CWC27: variants seen among roughly 807,000 people sequenced by gnomAD.
The protein encoded by CWC27 is spliceosome-associated protein CWC27 homolog.
Under a neutral mutation model 63.6 loss-of-function variants are expected in CWC27, and 47 were observed. The ratio of observed to expected loss-of-function variants is 0.74; its 90% CI spans 0.58 to 0.94. The LOEUF (loss-of-function observed/expected upper bound fraction) is 0.94, where lower values mean the gene tolerates loss of function less well. Ranked by LOEUF, CWC27 falls within the 40% of genes least tolerant of loss-of-function variation. The pLI, the probability that CWC27 is intolerant of heterozygous loss-of-function variation, is 0.00. For missense variants in CWC27, 495 were observed against 554.3 expected, an observed-to-expected ratio of 0.89 and a Z score of 1.07; for synonymous variants, 175 against 179.8, an observed-to-expected ratio of 0.97 and a Z score of 0.22.
chr5:65,008,996 T>C (rs531398312), intron 13 of CWC27, among the ~76,000 whole-genome samples: 1 of 136,462 alleles, frequency 7.3e-6, no homozygotes, highest in East Asian at 2.4e-4. Flanking sequence ...TGCTGGGTAA[T>C]TTATTTAAAA....
intron 11 of CWC27, among the ~76,000 whole-genome samples, chr5:64,933,797 A>G (rs1217966016): frequency 6.6e-6 from 1 of 152,132 alleles, no homozygotes; most frequent in East Asian, 1.9e-4. Context: ...AGCCACATGC[A>G]TACATTTTTC....
chr5:64,831,413 G>C, intron 10 of CWC27, among the ~76,000 whole-genome samples: 1 of 148,644 alleles, frequency 6.7e-6, no homozygotes, highest in East Asian at 2.0e-4. Flanking sequence ...TAAAGTTTTT[G>C]GCCTCAGGAC....
At chr5:64,769,288 G>T in intron 1 of CWC27, 100 bp downstream of exon 1, 10 of 991,570 alleles carry the variant, frequency 1.0e-5, no homozygotes, top group Non-Finnish European at 1.6e-5. Flanking sequence ...GTGGTAGGAA[G>T]AGACCACGAG....
Position 64,888,702 on chromosome 5 carries a change from AC to A in CWC27, c.1042+3157del, listed in dbSNP as rs760833115. Reference sequence around the variant, plus strand: ...AAGTAATTAAAATAGAAATCAGAGAACTAGAAAGGCACTATTAGAACACCAC... The same window carrying A: ...AAGTAATTAAAATAGAAATCAGAGAATAGAAAGGCACTATTAGAACACCAC... On this transcript the variant is annotated intron_variant, in intron 11 of 13. Transcript: ENST00000381070. 4.1e-4 allele frequency among the ~76,000 whole-genome samples: 62 copies of A among 152,012 alleles called. No individual in the cohort carries two copies. In the Middle Eastern group the frequency reaches 0.014, roughly 34 times the overall value.
Position 64,803,632 on chromosome 5 carries a change from T to G in CWC27, c.781-597T>G, listed in dbSNP as rs542457682. Among the ~76,000 whole-genome samples the G allele has an allele frequency of 2.3e-4, 35 of 152,272 alleles. 1 individual carries two copies. The Middle Eastern group carries it at 0.027, about 118-fold the overall frequency. ...AAAGAGCAAGCAATGAAGAGATATC[T>G]GGAATAGAGTATTTGTTTCAGGCTG... On this transcript the variant is annotated intron_variant, in intron 9 of 13. Transcript: ENST00000381070.
At chr5:64,975,833 G>A (rs1405127714) in intron 12 of CWC27, among the ~76,000 whole-genome samples, 2 of 152,204 alleles carry the variant, frequency 1.3e-5, no homozygotes, top group African/African-American at 4.8e-5. Context: ...GGGAGGCCAA[G>A]GCGTGTGGAA....
chr5:64,914,620 G>A (rs1580723780), intron 11 of CWC27, among the ~76,000 whole-genome samples: 1 of 151,778 alleles, frequency 6.6e-6, no homozygotes, highest in African/African-American at 2.4e-5. Flanking sequence ...AGTAGCAATT[G>A]TTACTGAGAA....
chr5:64,793,599 A>G (rs776742510), intron 7 of CWC27, among the ~76,000 whole-genome samples: 1 of 152,198 alleles, frequency 6.6e-6, no homozygotes, highest in Non-Finnish European at 1.5e-5. Context: ...ATATTTCTTC[A>G]AAATTTAGCT....
intron 2 of CWC27, among the ~76,000 whole-genome samples, chr5:64,779,376 T>C (rs1276256431): frequency 6.6e-6 from 1 of 152,240 alleles, no homozygotes; most frequent in Non-Finnish European, 1.5e-5. Flanking sequence ...TGTTTGTTTT[T>C]ACAACAACAA....
chr5:64,778,369 C>T (rs1311104610), intron 2 of CWC27, among the ~76,000 whole-genome samples: 1 of 152,122 alleles, frequency 6.6e-6, no homozygotes, highest in Non-Finnish European at 1.5e-5. Context: ...AATATATTCA[C>T]ACTGGGTAAG....
rs760098385 is a variant in CWC27 at position 64,804,375 on chromosome 5, A to G, written c.927A>G (p.Ser309=). 1.1e-5 allele frequency: 17 copies of G among 1,611,028 alleles called. No individual in the cohort carries two copies. In the East Asian group the frequency reaches 3.4e-4, roughly 32 times the overall value. ...GAGAAGGAGAAGTGGAGAAGAAATC[A>G]GTCAGCCGCAGGTGAGTCAGTTACT... ...SAGEGEVEKK[S]VSRSEELRKE... is the part of the protein sequence containing the mutation. The change falls in exon 10 of 14, where the codon TCA becomes TCG. Residue 309 remains serine (S), a synonymous_variant. Coordinates refer to ENST00000381070, the MANE Select transcript of CWC27 (RefSeq NM_005869.4).
At chr5:64,899,096 T>G (rs1387353367) in intron 11 of CWC27, among the ~76,000 whole-genome samples, 1 of 152,188 alleles carries the variant, frequency 6.6e-6, no homozygotes, top group Non-Finnish European at 1.5e-5. Flanking sequence ...TATATGGGGT[T>G]GATTCCTTTA....
chr5:64,771,062 A>T (rs1743237296), intron 1 of CWC27, among the ~76,000 whole-genome samples: 1 of 152,228 alleles, frequency 6.6e-6, no homozygotes, highest in South Asian at 2.1e-4. Flanking sequence ...TAAATGTTTA[A>T]TTACAAAATG....
chr5:64,992,139 C>T (rs1580769166), intron 13 of CWC27, among the ~76,000 whole-genome samples: 1 of 152,146 alleles, frequency 6.6e-6, no homozygotes, highest in African/African-American at 2.4e-5. Flanking sequence ...GACCTTTATC[C>T]TACCTCATCT....
intron 9 of CWC27, among the ~76,000 whole-genome samples, chr5:64,803,384 G>T (rs778534913): frequency 3.9e-5 from 6 of 152,152 alleles, no homozygotes; most frequent in Non-Finnish European, 7.3e-5. Flanking sequence ...AAGCAAAACA[G>T]GCCAGAATTT....
chr5:64,851,541 A>G (rs2112297512), intron 10 of CWC27, among the ~76,000 whole-genome samples: 1 of 152,312 alleles, frequency 6.6e-6, no homozygotes, highest in Admixed American at 6.5e-5. Flanking sequence ...TAAGAAAATG[A>G]GTATCTAATG....
intron 11 of CWC27, among the ~76,000 whole-genome samples, chr5:64,913,572 A>G (rs1747833537): frequency 6.6e-6 from 1 of 152,084 alleles, no homozygotes; most frequent in Non-Finnish European, 1.5e-5. Flanking sequence ...GGAAATAACA[A>G]AGATTTAGAA....
intron 10 of CWC27, among the ~76,000 whole-genome samples, chr5:64,877,467 A>G (rs1341137280): frequency 6.6e-6 from 1 of 151,966 alleles, no homozygotes; most frequent in Non-Finnish European, 1.5e-5. Context: ...ACAGTTGAAT[A>G]GAAAGAATAA....
intron 11 of CWC27, among the ~76,000 whole-genome samples, chr5:64,918,801 A>G (rs939338961): frequency 6.6e-6 from 1 of 152,020 alleles, no homozygotes; most frequent in African/African-American, 2.4e-5. Context: ...AAATGGTTGT[A>G]TGTTACTGCT....
Sources: gnomAD v4.1 joint callset for allele counts (sites outside exome capture counted in the v4.1 genomes callset) on GRCh38, gnomAD v4.1.1 for gene constraint, MANE v1.5 for transcripts, NCBI Gene and HGNC (gene_info 2026-07-23, HGNC 2026-07-21) for gene names.